Variants in C13orf42 observed in about 807,000 individuals in gnomAD.
The protein encoded by C13orf42 is uncharacterized protein C13orf42.
At chr13:51,086,560 A>G (rs1194988560) in intron 2 of C13orf42, among the ~76,000 whole-genome samples, 1 of 151,902 alleles carries the variant, frequency 6.6e-6, no homozygotes, top group Non-Finnish European at 1.5e-5. Flanking sequence ...CATATCCCCA[A>G]ATGTTACCGG....
At chr13:51,100,204 G>C (rs1353002931) in intron 1 of C13orf42, among the ~76,000 whole-genome samples, 1 of 151,934 alleles carries the variant, frequency 6.6e-6, no homozygotes, top group African/African-American at 2.4e-5. Context: ...ATTAAAAAAA[G>C]GATAATATGG....
At chr13:51,139,696 T>C (rs763557662) in intron 1 of C13orf42, among the ~76,000 whole-genome samples, 2 of 152,138 alleles carry the variant, frequency 1.3e-5, no homozygotes, top group Non-Finnish European at 2.9e-5. Flanking sequence ...ACCAGCACCA[T>C]GACAGTTTGT....
chr13:51,118,503 A>T (rs1953509334), intron 1 of C13orf42, among the ~76,000 whole-genome samples: 1 of 152,238 alleles, frequency 6.6e-6, no homozygotes, highest in African/African-American at 2.4e-5. Flanking sequence ...GATTAGCCTC[A>T]GTGAGTCTTC....
At chr13:51,141,318 T>C (rs1953694853) in intron 1 of C13orf42, among the ~76,000 whole-genome samples, 1 of 151,936 alleles carries the variant, frequency 6.6e-6, no homozygotes, top group Admixed American at 6.6e-5. Flanking sequence ...AGGACACTCT[T>C]GGGTTTTTAA....
At chr13:51,157,778 CG>C (rs1284992597) in intron 1 of C13orf42, among the ~76,000 whole-genome samples, 1 of 152,166 alleles carries the variant, frequency 6.6e-6, no homozygotes, top group Non-Finnish European at 1.5e-5. Context: ...ACAGAAGCCT[CG>C]TGTATTGTGA....
At chr13:51,114,066 C>T (rs1293419606), upstream of C13orf42, among the ~76,000 whole-genome samples, 1 of 152,196 alleles carries the variant, frequency 6.6e-6, no homozygotes, top group African/African-American at 2.4e-5. Context: ...CTGAGCAGTC[C>T]AGAGGATTTG....
At chr13:51,110,383 C>T (rs1953413863) in intron 1 of C13orf42, among the ~76,000 whole-genome samples, 1 of 152,142 alleles carries the variant, frequency 6.6e-6, no homozygotes, top group Non-Finnish European at 1.5e-5. Context: ...CCCATGTCTT[C>T]CCCACCGAGC....
chr13:51,165,023 G>T (rs141355338), intron 1 of C13orf42, among the ~76,000 whole-genome samples: 1 of 152,204 alleles, frequency 6.6e-6, no homozygotes, highest in Non-Finnish European at 1.5e-5. Flanking sequence ...AACTGAGTAA[G>T]ATCATTACGG....
rs535851747 is a variant in C13orf42 at position 51,171,135 on chromosome 13, C to T, written n.136+1118G>A. ...CTCCTTCACTATGGGTAAGCTTCCACCCTCCATTCCTCCTTCTCCTCCCTT... is the reference window on the plus strand; with the variant it reads ...CTCCTTCACTATGGGTAAGCTTCCATCCTCCATTCCTCCTTCTCCTCCCTT... On this transcript the variant is annotated intron_variant and non_coding_transcript_variant, in intron 1 of 4. Coordinates refer to the C13orf42 transcript ENST00000433280. Among the ~76,000 whole-genome samples the T allele has an allele frequency of 5.3e-5, 8 of 152,182 alleles. No individual in the cohort carries two copies. In the South Asian group the frequency reaches 8.3e-4, roughly 16 times the overall value.
intron 1 of C13orf42, among the ~76,000 whole-genome samples, chr13:51,100,680 A>T (rs1036617358): frequency 2.6e-5 from 4 of 152,196 alleles, no homozygotes; most frequent in Non-Finnish European, 4.4e-5. Context: ...GATGCTGATA[A>T]AATGCAAATA....
rs538398993 is a variant in C13orf42 at position 51,087,541 on chromosome 13, T to G, written c.562+387A>C. Among the ~76,000 whole-genome samples the G allele has an allele frequency of 1.2e-4, 18 of 152,274 alleles. No homozygotes were observed. The South Asian group carries it at 3.7e-3, about 32-fold the overall frequency. On this transcript the variant is annotated intron_variant, in intron 2 of 3. Coordinates refer to ENST00000563710, the MANE Select transcript of C13orf42 (RefSeq NM_001351589.3). The stretch of plus-strand genomic sequence containing the variant: ...CTTTTTCATCTCAAAAAACTGAAAG[T>G]GTACCCTTTAAATGACACCCCTCAT...
At chr13:51,171,285 G>A (rs1260800721) in intron 1 of C13orf42, among the ~76,000 whole-genome samples, 2 of 152,106 alleles carry the variant, frequency 1.3e-5, no homozygotes, top group African/African-American at 4.8e-5. Context: ...CAAATAGCCA[G>A]AAAATGGCAC....
chr13:51,086,468 A>T (rs1436693169), intron 2 of C13orf42, among the ~76,000 whole-genome samples: 1 of 151,742 alleles, frequency 6.6e-6, no homozygotes, highest in Non-Finnish European at 1.5e-5. Flanking sequence ...GTGTGTGTGT[A>T]TGTGAGAGTG....
intron 1 of C13orf42, among the ~76,000 whole-genome samples, chr13:51,138,103 G>C (rs1953670704): frequency 6.6e-6 from 1 of 152,154 alleles, no homozygotes; most frequent in Admixed American, 6.5e-5. Context: ...GAATGTCCAT[G>C]AGCTGAGGGC....
chr13:51,131,617 C>G (rs1953617361), intron 1 of C13orf42, among the ~76,000 whole-genome samples: 1 of 152,162 alleles, frequency 6.6e-6, no homozygotes, highest in African/African-American at 2.4e-5. Flanking sequence ...CATGGCTCGG[C>G]TCTAAAAAAG....
chr13:51,087,173 T>C (rs1480041490), intron 2 of C13orf42, among the ~76,000 whole-genome samples: 1 of 152,174 alleles, frequency 6.6e-6, no homozygotes, highest in African/African-American at 2.4e-5. Flanking sequence ...GCTCAACTGA[T>C]GAATGTGTTT....
At chr13:51,134,973 C>T (rs1181968423) in intron 1 of C13orf42, among the ~76,000 whole-genome samples, 2 of 152,220 alleles carry the variant, frequency 1.3e-5, no homozygotes, top group South Asian at 2.1e-4. Flanking sequence ...TGACTGACTC[C>T]ATGCCAGGTA....
At chr13:51,166,773 T>C (rs926660423) in intron 1 of C13orf42, among the ~76,000 whole-genome samples, 12 of 152,066 alleles carry the variant, frequency 7.9e-5, no homozygotes, top group Non-Finnish European at 2.9e-5. Flanking sequence ...AAGTCTCAAT[T>C]CCATATTCAA....
At chr13:51,089,629 T>C (rs1953162846) in intron 1 of C13orf42, among the ~76,000 whole-genome samples, 1 of 151,992 alleles carries the variant, frequency 6.6e-6, no homozygotes, top group Non-Finnish European at 1.5e-5. Flanking sequence ...TGTGGAACTG[T>C]GAGTCAATTA....
Sources: gnomAD v4.1 joint callset for allele counts (sites outside exome capture counted in the v4.1 genomes callset) on GRCh38, gnomAD v4.1.1 for gene constraint, MANE v1.5 for transcripts, NCBI Gene and HGNC (gene_info 2026-07-23, HGNC 2026-07-21) for gene names.